The following CELF4 variants were observed in gnomAD, a reference collection of about 807,000 sequenced individuals.
The protein encoded by CELF4 is CUG-BP- and ETR-3-like factor 4.
In CELF4, 18 loss-of-function variants were observed where a neutral mutation model predicts 59.9. The ratio of observed to expected loss-of-function variants is 0.30; its 90% CI spans 0.21 to 0.45. CELF4 has a LOEUF of 0.45. CELF4 is among the 20% of genes least tolerant of loss of function. The pLI is 1.00. For missense variants in CELF4, 456 were observed against 689.0 expected, an observed-to-expected ratio of 0.66 and a Z score of 3.79; for synonymous variants, 261 against 267.1, an observed-to-expected ratio of 0.98 and a Z score of 0.22.
At chr18:37,403,137 C>T (rs1209366430) in intron 2 of CELF4, among the ~76,000 whole-genome samples, 1 of 151,342 alleles carries the variant, frequency 6.6e-6, no homozygotes, top group Non-Finnish European at 1.5e-5. Flanking sequence ...GGAGGGGAGA[C>T]AGGCAGAGAG....
At chr18:37,480,066 G>A (rs2099862087) in intron 2 of CELF4, among the ~76,000 whole-genome samples, 2 of 152,170 alleles carry the variant, frequency 1.3e-5, no homozygotes. Flanking sequence ...CTTGATTTGG[G>A]ACTGCCAGCC....
intron 2 of CELF4, among the ~76,000 whole-genome samples, chr18:37,484,922 C>A (rs2099877639): frequency 1.3e-5 from 2 of 152,172 alleles, no homozygotes; most frequent in Admixed American, 1.3e-4. Context: ...CTCTCTGAAC[C>A]CACAGGAGAG....
At chr18:37,462,728 C>CT (rs1242024338) in intron 2 of CELF4, among the ~76,000 whole-genome samples, 1 of 151,920 alleles carries the variant, frequency 6.6e-6, no homozygotes, top group Admixed American at 6.6e-5. Flanking sequence ...CAAGATTTGA[C>CT]TTATTCAAAC....
chr18:37,544,107 G>A (rs1228625822), intron 1 of CELF4, among the ~76,000 whole-genome samples: 1 of 151,918 alleles, frequency 6.6e-6, no homozygotes, highest in Non-Finnish European at 1.5e-5. Context: ...TAAGGGCAAG[G>A]GCGGCAAGGC....
chr18:37,247,091 C>T (rs1412421618), intron 12 of CELF4: 1 of 152,218 alleles, frequency 6.6e-6, no homozygotes, highest in Non-Finnish European at 1.5e-5. Flanking sequence ...AGCACCTCCA[C>T]GAAACTTGAC....
At chr18:37,315,912 T>C (rs764401077) in intron 3 of CELF4, among the ~76,000 whole-genome samples, 1 of 152,158 alleles carries the variant, frequency 6.6e-6, no homozygotes, top group Non-Finnish European at 1.5e-5. Flanking sequence ...CCTGAGGCCA[T>C]GGTAGTCAGA....
chr18:37,489,090 A>C (rs1274947067), intron 1 of CELF4, among the ~76,000 whole-genome samples: 2 of 152,112 alleles, frequency 1.3e-5, no homozygotes, highest in African/African-American at 2.4e-5. Flanking sequence ...CTCCCTCTGC[A>C]CCTCTGTGAG....
chr18:37,410,440 C>T (rs914688275), intron 2 of CELF4, among the ~76,000 whole-genome samples: 9 of 152,240 alleles, frequency 5.9e-5, no homozygotes, highest in Admixed American at 1.3e-4. Flanking sequence ...CGCTGTCCCC[C>T]GGCCCACCCA....
chr18:37,379,169 C>A (rs576042348), intron 2 of CELF4, among the ~76,000 whole-genome samples: 1 of 152,146 alleles, frequency 6.6e-6, no homozygotes, highest in African/African-American at 2.4e-5. Flanking sequence ...AGGCAGGCAC[C>A]TAGTGGGTGC....
In CELF4 at chr18:37,546,877, C is replaced by T. The variant is rs117706768; in HGVS notation, c.286+18479G>A. 4.1e-4 allele frequency among the ~76,000 whole-genome samples: 62 copies of T among 152,282 alleles called. No homozygotes were observed. In the East Asian group the frequency reaches 0.012, roughly 28 times the overall value. The stretch of plus-strand genomic sequence containing the variant: ...GCAGCCAGCTGGCACAGTTTGTCTA[C>T]GCAGGACAGGGCAACACATGCAGTA... On this transcript the variant is annotated intron_variant, in intron 1 of 12. Coordinates refer to ENST00000420428, the MANE Select transcript of CELF4 (RefSeq NM_020180.4).
chr18:37,512,890 C>G (rs1317662242), intron 1 of CELF4, among the ~76,000 whole-genome samples: 2 of 152,022 alleles, frequency 1.3e-5, no homozygotes, highest in Non-Finnish European at 2.9e-5. Context: ...CTGCCCTTGT[C>G]TTTGTAAAAA....
In CELF4 at chr18:37,513,941, C is replaced by CGTGT. The variant is rs5824070; in HGVS notation, c.287-28338_287-28335dup. Among the ~76,000 whole-genome samples the CGTGT allele has an allele frequency of 8.0e-3, 1,154 of 144,322 alleles. 9 individuals are homozygous for CGTGT. Among genetic ancestry groups the CGTGT allele is most frequent in the Middle Eastern group, 0.028 (8 of 288 alleles). The allele number at this position is 144,322 out of a possible 152,430, so 94.7% of individuals were successfully genotyped here. On this transcript the variant is annotated intron_variant, in intron 1 of 12. Coordinates refer to ENST00000420428, the MANE Select transcript of CELF4 (RefSeq NM_020180.4). Reference sequence around the variant, plus strand: ...GTCCCTCTTCCCTTCTGTGTGGTGCCGTGTGTGTGTGTGTGTGTGTGTGTG... The same window carrying CGTGT: ...GTCCCTCTTCCCTTCTGTGTGGTGCCGTGTGTGTGTGTGTGTGTGTGTGTGTGTG...
At chr18:37,446,800 A>T (rs2154601433) in intron 2 of CELF4, among the ~76,000 whole-genome samples, 2 of 152,158 alleles carry the variant, frequency 1.3e-5, no homozygotes, top group South Asian at 4.1e-4. Flanking sequence ...GGAGCCACTC[A>T]CGAGAAGACC....
At position 37,273,066 on chromosome 18, in the gene CELF4, G is replaced by A. The variant is rs753645312; in HGVS notation, c.899C>T (p.Ala300Val). The A allele has an allele frequency of 1.1e-5, 17 of 1,612,650 alleles. No homozygotes were observed. Among genetic ancestry groups the A allele is most frequent in the African/African-American group, 1.3e-5 (1 of 74,938 alleles). The change falls in exon 7 of 13, where the codon GCG (alanine) becomes GTG (valine). Residue 300 changes from alanine (A) to valine (V), a missense_variant. Physicochemically the swap from Ala to Val is moderately conservative, Grantham distance 64. This residue lies in a region of CELF4 where 256 missense variants were observed against 340.8 expected (regional missense o/e 0.75). Transcript: ENST00000420428. ...CGCCAGGCCATTCATGTTGAGGGCC[G>A]CCATCTGCTGCATCTGGGCGGCAGC... is the stretch of plus-strand genomic sequence containing the variant. ...AFAAAQMQQM[A>V]ALNMNGLAAA...
intron 2 of CELF4, among the ~76,000 whole-genome samples, chr18:37,424,019 G>C (rs1270747669): frequency 6.6e-6 from 1 of 151,642 alleles, no homozygotes; most frequent in Non-Finnish European, 1.5e-5. Context: ...CATGCTGTCT[G>C]GCCTTTTGAG....
At chr18:37,384,502 G>A (rs570036679) in intron 2 of CELF4, among the ~76,000 whole-genome samples, 8 of 152,010 alleles carry the variant, frequency 5.3e-5, no homozygotes, top group African/African-American at 9.6e-5. Flanking sequence ...AGCCTGCAGC[G>A]GAGGAACTGG....
chr18:37,280,486 T>C lies in CELF4; in HGVS notation c.449-5243A>G, dbSNP rs187552783. 7.3e-3 allele frequency among the ~76,000 whole-genome samples: 1,111 copies of C among 152,264 alleles called. 13 individuals are homozygous for C. The highest frequency in any genetic ancestry group is 0.013 in the Non-Finnish European group (857 of 68,020). ...GGTCTATGGGCCCAGAGCCTCTTCA[T>C]TGGAGCCCCTGATGAGAGAACAAAG... On this transcript the variant is annotated intron_variant, in intron 3 of 12. Coordinates refer to ENST00000420428, the MANE Select transcript of CELF4 (RefSeq NM_020180.4).
At chr18:37,313,884 C>T (rs1186810040) in intron 3 of CELF4, among the ~76,000 whole-genome samples, 1 of 152,228 alleles carries the variant, frequency 6.6e-6, no homozygotes, top group Non-Finnish European at 1.5e-5. Context: ...TATCCAACCT[C>T]ATTAGCTGGC....
intron 3 of CELF4, among the ~76,000 whole-genome samples, chr18:37,309,656 C>T (rs2096574095): frequency 6.6e-6 from 1 of 152,010 alleles, no homozygotes; most frequent in Non-Finnish European, 1.5e-5. Flanking sequence ...GAAGAGACGA[C>T]GTCCCCCAAA....
Sources: gnomAD v4.1 joint callset for allele counts (sites outside exome capture counted in the v4.1 genomes callset) on GRCh38, gnomAD v4.1.1 for gene constraint, gnomAD v4.1.1 regional missense constraint, MANE v1.5 for transcripts, NCBI Gene and HGNC (gene_info 2026-07-23, HGNC 2026-07-21) for gene names.